DCUN1D5: variants seen among roughly 807,000 people sequenced by gnomAD.
DCUN1D5 encodes the protein DCN1-like protein 5.
A neutral mutation model predicts 38.3 loss-of-function variants in DCUN1D5; 10 were observed. The observed-to-expected ratio is 0.26, with a 90% CI of 0.16 to 0.44. DCUN1D5 has a LOEUF of 0.44. Ranked by LOEUF, DCUN1D5 falls within the 20% of genes least tolerant of loss-of-function variation. The pLI is 1.00. For missense variants in DCUN1D5, 148 were observed against 275.3 expected, an observed-to-expected ratio of 0.54 and a Z score of 3.27; for synonymous variants, 93 against 90.9, an observed-to-expected ratio of 1.02 and a Z score of -0.13.
chr11:103,059,603 TC>T lies in DCUN1D5; in HGVS notation c.*2755del, dbSNP rs1861961043. ...TCAGCAGCATTTAAGAAATAAGAAA[TC>T]ATTAGACAATAGAAGACAAACATGG... On this transcript the variant is annotated 3_prime_UTR_variant, in exon 8 of 8. Transcript: ENST00000260247. Among the ~76,000 whole-genome samples the T allele has an allele frequency of 6.6e-6, 1 of 151,972 alleles. No homozygotes were observed. The highest frequency in any genetic ancestry group is 2.4e-5 in the African/African-American group (1 of 41,358).
chr11:103,086,251 C>T lies in DCUN1D5; in HGVS notation c.179-2925G>A, dbSNP rs987218688. ...TACGTAAGAGTCATTAATTTTGGAA[C>T]ACTGTAAAAAACACACAACCAGTAA... On this transcript the variant is annotated intron_variant, in intron 2 of 7. Transcript: ENST00000260247. The surrounding 1 kb of genome is among the most constrained non-coding windows in gnomAD (Gnocchi z 4.1). 6.6e-6 allele frequency among the ~76,000 whole-genome samples: 1 copy of T among 151,984 alleles called. No individual in the cohort carries two copies. The highest frequency in any genetic ancestry group is 1.5e-5 in the Non-Finnish European group (1 of 68,012).
rs1365041727 is a variant in DCUN1D5, at chr11:103,071,402, T to G, written c.342-4835A>C. On this transcript the variant is annotated intron_variant, in intron 4 of 7. Coordinates refer to ENST00000260247, the MANE Select transcript of DCUN1D5 (RefSeq NM_032299.4). The surrounding 1 kb of genome is among the most constrained non-coding windows in gnomAD (Gnocchi z 4.1). The stretch of plus-strand genomic sequence containing the variant: ...AGGGATACACAATGAACATATACAA[T>G]GTATGATAGTAAGGGATCACAATGA... 6.6e-6 allele frequency among the ~76,000 whole-genome samples: 1 copy of G among 151,850 alleles called. No individual in the cohort carries two copies. Among genetic ancestry groups the G allele is most frequent in the Non-Finnish European group, 1.5e-5 (1 of 67,894 alleles).
rs1237295395 is a variant in DCUN1D5, at chr11:103,059,256, A to G, written c.*3103T>C. Among the ~76,000 whole-genome samples the G allele has an allele frequency of 6.6e-6, 1 of 152,166 alleles. No individual in the cohort carries two copies. The highest frequency in any genetic ancestry group is 1.5e-5 in the Non-Finnish European group (1 of 68,014). ...ACTTCAAAGTGAAATGTTTCATTTT[A>G]TACGTATGTATCATGTATTCTGAAT... On this transcript the variant is annotated 3_prime_UTR_variant, in exon 8 of 8. Coordinates refer to ENST00000260247, the MANE Select transcript of DCUN1D5 (RefSeq NM_032299.4).
At chr11:103,080,284 C>G (rs1000516487) in intron 4 of DCUN1D5, among the ~76,000 whole-genome samples, 1 of 152,060 alleles carries the variant, frequency 6.6e-6, no homozygotes, top group Non-Finnish European at 1.5e-5. Flanking sequence ...TCAGAGAGAA[C>G]TGATAATAAA....
In DCUN1D5 at chr11:103,055,755, TTAAAA is replaced by T. The variant is rs1442913241; in HGVS notation, c.*6599_*6603del. 1 of 152,230 alleles carries T rather than the reference TTAAAA, an allele frequency of 6.6e-6. No homozygotes were observed. The highest frequency in any genetic ancestry group is 1.5e-5 in the Non-Finnish European group (1 of 68,030). The allele number at this position is 152,230 out of a possible 1,614,324, so 9.4% of individuals were successfully genotyped here. On this transcript the variant is annotated 3_prime_UTR_variant, in exon 8 of 8. Coordinates refer to ENST00000260247, the MANE Select transcript of DCUN1D5 (RefSeq NM_032299.4). ...TAAGTGGTTTCATCCATGTCCTGAC[TTAAAA>T]TAAGATTACACACTGATGACTTCCA...
At chr11:103,081,330 G>A (rs1251632196) in intron 4 of DCUN1D5, among the ~76,000 whole-genome samples, 2 of 152,066 alleles carry the variant, frequency 1.3e-5, no homozygotes, top group Admixed American at 6.6e-5. Flanking sequence ...AAAACACACT[G>A]AGTTGTATAA....
chr11:103,090,968 G>GT (rs1038184948), intron 1 of DCUN1D5, among the ~76,000 whole-genome samples: 1 of 152,120 alleles, frequency 6.6e-6, no homozygotes, highest in African/African-American at 2.4e-5. Flanking sequence ...CAAAATTGCA[G>GT]TTTTTTTGTA....
At chr11:103,072,228 GA>G (rs1862289199) in intron 4 of DCUN1D5, among the ~76,000 whole-genome samples, 1 of 151,890 alleles carries the variant, frequency 6.6e-6, no homozygotes, top group Admixed American at 6.6e-5. Context: ...TCAAAAAAAA[GA>G]AATAGGAGAG....
Position 103,054,783 on chromosome 11 carries a change from T to C in DCUN1D5, c.*7576A>G, listed in dbSNP as rs533185116. 6.6e-6 allele frequency: 1 copy of C among 152,214 alleles called. No individual in the cohort carries two copies. Among genetic ancestry groups the C allele is most frequent in the Admixed American group, 6.5e-5 (1 of 15,278 alleles). 9.4% of individuals were successfully genotyped at this position (152,214 alleles called of 1,614,324 possible). ...TTGGAAACTCCTTGGAATATAAATA[T>C]ACATTTATATTCAAATGTATATTAG... is the stretch of plus-strand genomic sequence containing the variant. On this transcript the variant is annotated 3_prime_UTR_variant, in exon 8 of 8. Transcript: ENST00000260247.
rs1389256352 is a variant in DCUN1D5 at position 103,051,628 on chromosome 11, A to G, written c.*10731T>C. ...CTTTGTCATTAAACAAATATTTGGA[A>G]CCCACTACATTCAAAGCATAGCATT... On this transcript the variant is annotated 3_prime_UTR_variant, in exon 8 of 8. Transcript: ENST00000260247. 6.6e-6 allele frequency: 1 copy of G among 151,992 alleles called. No individual in the cohort carries two copies. The highest frequency in any genetic ancestry group is 1.5e-5 in the Non-Finnish European group (1 of 68,028). The allele number at this position is 151,992 out of a possible 1,614,324, so 9.4% of individuals were successfully genotyped here.
At chr11:103,068,664 C>T (rs1187607523) in intron 4 of DCUN1D5, among the ~76,000 whole-genome samples, 1 of 152,026 alleles carries the variant, frequency 6.6e-6, no homozygotes, top group Non-Finnish European at 1.5e-5. Context: ...AAGGAAACAA[C>T]AGACACTGGG....
chr11:103,081,570 A>G (rs555712129), intron 4 of DCUN1D5, among the ~76,000 whole-genome samples: 100 of 152,330 alleles, frequency 6.6e-4, no homozygotes, highest in African/African-American at 2.2e-3. Context: ...GTAGGAATAC[A>G]GTATTAGAGA....
rs1157369398 is a variant in DCUN1D5 at position 103,073,340 on chromosome 11, C to G, written c.342-6773G>C. ...CAATATCAGGAATATTAAGAGTATT[C>G]AAAGACTCAAAACAGTAAAAATGTC... is the stretch of plus-strand genomic sequence containing the variant. On this transcript the variant is annotated intron_variant, in intron 4 of 7. Coordinates refer to ENST00000260247, the MANE Select transcript of DCUN1D5 (RefSeq NM_032299.4). This position sits in a 1 kb window ranked among gnomAD's most constrained non-coding sequence, Gnocchi z 4.2. 6.6e-6 allele frequency among the ~76,000 whole-genome samples: 1 copy of G among 152,066 alleles called. No homozygotes were observed. Among genetic ancestry groups the G allele is most frequent in the African/African-American group, 2.4e-5 (1 of 41,402 alleles).
In DCUN1D5 at chr11:103,058,895, T is replaced by TG. The variant is rs1565281701; in HGVS notation, c.*3463_*3464insC. Among the ~76,000 whole-genome samples, 1,501 of 150,578 alleles carry TG rather than the reference T, an allele frequency of 1.0e-2. 30 individuals are homozygous for TG. Among genetic ancestry groups the TG allele is most frequent in the African/African-American group, 0.034 (1,378 of 40,778 alleles). ...TTAGGAGTAAGACTTTTGGGTTTTT[T>TG]TGGGGGGGGTTTTAATTTTATTTTT... On this transcript the variant is annotated 3_prime_UTR_variant, in exon 8 of 8. Transcript: ENST00000260247.
At position 103,063,350 on chromosome 11, in the gene DCUN1D5, C is replaced by T. The variant is rs1862058897; in HGVS notation, c.658+925G>A. The stretch of plus-strand genomic sequence containing the variant: ...ATACAAAATCTCCTAGTTTTAAATG[C>T]TGATACAAAATACATAAATATACAC... On this transcript the variant is annotated intron_variant, in intron 7 of 7. Coordinates refer to ENST00000260247, the MANE Select transcript of DCUN1D5 (RefSeq NM_032299.4). The surrounding 1 kb of genome is among the most constrained non-coding windows in gnomAD (Gnocchi z 4.6). Among the ~76,000 whole-genome samples, 1 of 152,056 alleles carries T rather than the reference C, an allele frequency of 6.6e-6. No homozygotes were observed. Among genetic ancestry groups the T allele is most frequent in the African/African-American group, 2.4e-5 (1 of 41,422 alleles).
chr11:103,089,091 A>G, intron 2 of DCUN1D5, 136 bp downstream of exon 2: 1 of 691,204 alleles, frequency 1.4e-6, no homozygotes. Context: ...TCTACCCACA[A>G]TCTTCAGTCC....
At chr11:103,085,611 G>A (rs575790505) in intron 2 of DCUN1D5, among the ~76,000 whole-genome samples, 1 of 152,092 alleles carries the variant, frequency 6.6e-6, no homozygotes, top group Admixed American at 6.5e-5. Flanking sequence ...TTGCCAAAGT[G>A]ATGTAAATAG....
intron 4 of DCUN1D5, 146 bp downstream of exon 4, chr11:103,082,602 A>G (rs1766802248): frequency 1.6e-6 from 1 of 624,570 alleles, no homozygotes; most frequent in African/African-American, 1.9e-5. Flanking sequence ...ACCACAATAT[A>G]ATTTTTTCAA....
At position 103,066,649 on chromosome 11, in the gene DCUN1D5, T is replaced by C. The variant is rs1862141876; in HGVS notation, c.342-82A>G. Reference sequence around the variant, plus strand: ...TCACTGGGGGTTAGACGTAATGCATTAAGAAAAAAGTGAGCGCATTTATGA... The same window carrying C: ...TCACTGGGGGTTAGACGTAATGCATCAAGAAAAAAGTGAGCGCATTTATGA... On this transcript the variant is annotated intron_variant, in intron 4 of 7. Transcript: ENST00000260247. The surrounding 1 kb of genome is among the most constrained non-coding windows in gnomAD (Gnocchi z 4.7). 5.2e-6 allele frequency: 4 copies of C among 772,272 alleles called. No homozygotes were observed. In the African/African-American group the frequency reaches 5.4e-5, roughly 10 times the overall value. The allele number at this position is 772,272 out of a possible 1,614,324, so 47.8% of individuals were successfully genotyped here.
Sources: allele counts gnomAD v4.1 joint callset (sites outside exome capture counted in the v4.1 genomes callset), GRCh38; gene constraint gnomAD v4.1.1; non-coding constraint Gnocchi (gnomAD v3.1); transcripts MANE v1.5; gene names NCBI Gene and HGNC (gene_info 2026-07-23, HGNC 2026-07-21).